Variants in SLC25A48 observed in about 807,000 individuals in gnomAD.
SLC25A48 encodes CTC-321K16.1.
A neutral mutation model predicts 32.2 loss-of-function variants in SLC25A48; 29 were observed. That is an observed-to-expected ratio of 0.90 (90% CI 0.67 to 1.23). The LOEUF (loss-of-function observed/expected upper bound fraction) is 1.23, where lower values mean the gene tolerates loss of function less well. Ranked by LOEUF, SLC25A48 falls within the 50% of genes most tolerant of loss-of-function variation. The probability of loss-of-function intolerance (pLI) is 0.00; values close to 1 mark genes in which losing one functional copy is unlikely to be tolerated. For synonymous variants in SLC25A48, 164 were observed against 172.3 expected (o/e 0.95, Z 0.38); for missense variants, 399 against 422.7 (o/e 0.94, Z 0.49).
chr5:135,679,169 G>A (rs1753836338), intron 3 of SLC25A48, among the ~76,000 whole-genome samples: 1 of 152,188 alleles, frequency 6.6e-6, no homozygotes, highest in Non-Finnish European at 1.5e-5. Context: ...CATGGTGGCT[G>A]TGATGAGCTG....
At chr5:135,707,971 G>T (rs1754561046) in intron 3 of SLC25A48, among the ~76,000 whole-genome samples, 1 of 152,090 alleles carries the variant, frequency 6.6e-6, no homozygotes, top group Non-Finnish European at 1.5e-5. Context: ...TGGATGGATT[G>T]GCTAGTTGAG....
chr5:135,788,746 C>A (rs62364674), intron 3 of SLC25A48, among the ~76,000 whole-genome samples: 38,028 of 149,550 alleles, frequency 0.25, 5,023 homozygotes, highest in East Asian at 0.42. Flanking sequence ...CACCCCCCTG[C>A]CATACGATCC....
At chr5:135,835,678 T>TA (rs35114794) in intron 1 of SLC25A48, among the ~76,000 whole-genome samples, 14,597 of 70,312 alleles carry the variant, frequency 0.21, 2,123 homozygotes, top group East Asian at 0.43. Context: ...TTGCTAATTG[T>TA]AAAAAAAAAA....
At chr5:135,702,697 C>T (rs1386203399) in intron 3 of SLC25A48, among the ~76,000 whole-genome samples, 1 of 152,230 alleles carries the variant, frequency 6.6e-6, no homozygotes, top group Non-Finnish European at 1.5e-5. Context: ...ATTTTCAATG[C>T]CCAGCCACAT....
At chr5:135,820,601 C>T (rs1273873455) in intron 4 of SLC25A48, among the ~76,000 whole-genome samples, 1 of 151,624 alleles carries the variant, frequency 6.6e-6, no homozygotes, top group East Asian at 1.9e-4. Context: ...GGTATTGGTA[C>T]AAAGAGAGAC....
At chr5:135,886,665 TGTGTGTGTGAGAGAGA>T (rs377646972) in intron 7 of SLC25A48, among the ~76,000 whole-genome samples, 6 of 102,484 alleles carry the variant, frequency 5.9e-5, no homozygotes, top group African/African-American at 2.7e-4. Context: ...TGTGTGTGTG[TGTGTGTGTGAGAGAGA>T]GAGAGAGAGA....
chr5:135,750,958 A>G (rs2127008305), intron 3 of SLC25A48, among the ~76,000 whole-genome samples: 1 of 152,314 alleles, frequency 6.6e-6, no homozygotes, highest in Admixed American at 6.5e-5. Flanking sequence ...GAGGTAAAAC[A>G]TGTGGAACTG....
At chr5:135,829,930 A>G (rs1392351408), upstream of SLC25A48, among the ~76,000 whole-genome samples, 1 of 151,990 alleles carries the variant, frequency 6.6e-6, no homozygotes, top group African/African-American at 2.4e-5. Flanking sequence ...GTGTAAACGG[A>G]GCATGCAGCA....
intron 3 of SLC25A48, among the ~76,000 whole-genome samples, chr5:135,707,126 G>A (rs938472557): frequency 6.6e-6 from 1 of 152,240 alleles, no homozygotes; most frequent in African/African-American, 2.4e-5. Flanking sequence ...GAGAAGTGGG[G>A]TAGGGTGGAA....
chr5:135,865,431 T>A (rs1232372572), intron 4 of SLC25A48, among the ~76,000 whole-genome samples: 6 of 152,154 alleles, frequency 3.9e-5, no homozygotes, highest in Admixed American at 2.0e-4. Flanking sequence ...TACAGCCATG[T>A]TACTGATGCT....
At chr5:135,880,942 C>T (rs748487077) in intron 7 of SLC25A48, among the ~76,000 whole-genome samples, 4 of 151,996 alleles carry the variant, frequency 2.6e-5, no homozygotes, top group Non-Finnish European at 5.9e-5. Context: ...CCATCCCCCA[C>T]CCCCACCCAC....
intron 3 of SLC25A48, among the ~76,000 whole-genome samples, chr5:135,723,380 TCACACA>T (rs138387748): frequency 1.2e-4 from 13 of 111,766 alleles, no homozygotes; most frequent in African/African-American, 4.4e-4. Context: ...TCTCTCTCTC[TCACACA>T]CACACACACA....
chr5:135,765,967 C>A (rs1006896276), intron 3 of SLC25A48, among the ~76,000 whole-genome samples: 1 of 150,936 alleles, frequency 6.6e-6, no homozygotes, highest in Non-Finnish European at 1.5e-5. Context: ...GCATACATCC[C>A]CCCGTGATAT....
At chr5:135,587,233 A>G (rs765335265) in intron 1 of SLC25A48, among the ~76,000 whole-genome samples, 2 of 152,058 alleles carry the variant, frequency 1.3e-5, no homozygotes, top group Admixed American at 6.6e-5. Context: ...GGATCTCACT[A>G]TGTTGCCCTG....
chr5:135,848,105 A>C (rs1759561753), intron 2 of SLC25A48, among the ~76,000 whole-genome samples: 1 of 152,198 alleles, frequency 6.6e-6, no homozygotes, highest in Non-Finnish European at 1.5e-5. Context: ...CCTCAGTGCC[A>C]GCCTACCCGA....
At chr5:135,606,801 C>T (rs1751949463) in intron 1 of SLC25A48, among the ~76,000 whole-genome samples, 1 of 152,208 alleles carries the variant, frequency 6.6e-6, no homozygotes, top group Admixed American at 6.5e-5. Context: ...TCTCCCCAAC[C>T]ATAAATAAGA....
chr5:135,778,025 G>A (rs62365737), intron 3 of SLC25A48, among the ~76,000 whole-genome samples: 4 of 151,418 alleles, frequency 2.6e-5, no homozygotes, highest in Non-Finnish European at 5.9e-5. Context: ...ATCCAAACGG[G>A]GAGAGGCTGA....
intron 1 of SLC25A48, among the ~76,000 whole-genome samples, chr5:135,610,119 GA>G (rs1333402709): frequency 6.6e-6 from 1 of 152,202 alleles, no homozygotes; most frequent in Non-Finnish European, 1.5e-5. Flanking sequence ...GTCTGGAACT[GA>G]GCAGTGCCTG....
At chr5:135,649,760 G>C (rs1205028052) in intron 3 of SLC25A48, 1 of 153,068 alleles carries the variant, frequency 6.5e-6, no homozygotes, top group African/African-American at 2.4e-5. Flanking sequence ...CACATGCAGG[G>C]TTTCTTTGAC....
Sources: allele counts gnomAD v4.1 joint callset (sites outside exome capture counted in the v4.1 genomes callset), GRCh38; gene constraint gnomAD v4.1.1; transcripts MANE v1.5; gene names NCBI Gene and HGNC (gene_info 2026-07-23, HGNC 2026-07-21).